Variants in ERN1 observed in about 807,000 individuals in gnomAD.
ERN1 encodes the protein endoplasmic reticulum to nucleus signaling 1.
A neutral mutation model predicts 113.1 loss-of-function variants in ERN1; 39 were observed. The observed-to-expected ratio is 0.34, with a 90% CI of 0.27 to 0.45. The LOEUF is 0.45. Among genes scored for constraint, ERN1 ranks in the 20% least tolerant of loss-of-function variants. ERN1 has a pLI of 1.00. For missense variants in ERN1, 976 were observed against 1,274.8 expected, an observed-to-expected ratio of 0.77 and a Z score of 3.57; for synonymous variants, 507 against 515.9, an observed-to-expected ratio of 0.98 and a Z score of 0.23.
chr17:64,127,647 G>GGGA (rs1430938751), intron 1 of ERN1, among the ~76,000 whole-genome samples: 2 of 151,896 alleles, frequency 1.3e-5, no homozygotes, highest in Non-Finnish European at 2.9e-5. Context: ...CCAGCTACTC[G>GGGA]GGAGGCTGAG....
At chr17:64,081,339 GCCC>G (rs892613410) in intron 2 of ERN1, among the ~76,000 whole-genome samples, 1 of 151,918 alleles carries the variant, frequency 6.6e-6, no homozygotes, top group East Asian at 1.9e-4. Flanking sequence ...ATTCCCTTTG[GCCC>G]CCCCATTGCA....
rs959380520 is a variant in ERN1 at position 64,039,958 on chromosome 17, G to T, written c.*4030C>A. The T allele has an allele frequency of 8.5e-5, 13 of 152,130 alleles. No homozygotes were observed. The highest frequency in any genetic ancestry group is 3.1e-4 in the African/African-American group (13 of 41,422). The allele number at this position is 152,130 out of a possible 1,614,324, so 9.4% of individuals were successfully genotyped here. On this transcript the variant is annotated 3_prime_UTR_variant, in exon 22 of 22. Transcript: ENST00000433197. Reference sequence around the variant, plus strand: ...AAAAATCAGAACCAGAGTTACTCACGGGAAATCACTGTTTCATAAAGAAGG... The same window carrying T: ...AAAAATCAGAACCAGAGTTACTCACTGGAAATCACTGTTTCATAAAGAAGG...
intron 1 of ERN1, among the ~76,000 whole-genome samples, chr17:64,126,061 T>C (rs577259552): frequency 1.3e-4 from 20 of 152,024 alleles, no homozygotes; most frequent in Non-Finnish European, 2.5e-4. Context: ...ACATGGGATA[T>C]AGGTAAAGAT....
intron 1 of ERN1, among the ~76,000 whole-genome samples, chr17:64,125,835 T>C (rs570449118): frequency 6.6e-6 from 1 of 152,320 alleles, no homozygotes; most frequent in South Asian, 2.1e-4. Context: ...ACTAAGGTGC[T>C]ACTAAAGTGA....
chr17:64,056,672 G>A (rs987152385), intron 12 of ERN1, among the ~76,000 whole-genome samples: 6 of 152,200 alleles, frequency 3.9e-5, no homozygotes, highest in African/African-American at 1.4e-4. Flanking sequence ...GGACTTCTGT[G>A]AGCCACCAAC....
At chr17:64,112,421 G>T (rs1914698161) in intron 1 of ERN1, among the ~76,000 whole-genome samples, 1 of 151,970 alleles carries the variant, frequency 6.6e-6, no homozygotes, top group Non-Finnish European at 1.5e-5. Context: ...TGCTGAGGAG[G>T]TTGTCAGTAA....
Position 64,075,251 on chromosome 17 carries a change from T to TAAAAAAAA in ERN1, c.283-12_283-5dup. 7.8e-7 allele frequency: 1 copy of TAAAAAAAA among 1,288,340 alleles called. No individual in the cohort carries two copies. The highest frequency in any genetic ancestry group is 1.0e-6 in the Non-Finnish European group (1 of 980,736). The allele number at this position is 1,288,340 out of a possible 1,614,324, so 79.8% of individuals were successfully genotyped here. On this transcript the variant is annotated splice_polypyrimidine_tract_variant and splice_region_variant and intron_variant, in intron 4 of 21. Coordinates refer to ENST00000433197, the MANE Select transcript of ERN1 (RefSeq NM_001433.5). ...CTGGGATGGTAAAAGGAAGTTTCTT[T>TAAAAAAAA]AAAAAAAAAAAAAAAGAAAAAAAAA...
At chr17:64,110,657 T>A (rs185287215) in intron 1 of ERN1, among the ~76,000 whole-genome samples, 20 of 152,370 alleles carry the variant, frequency 1.3e-4, no homozygotes, top group Admixed American at 1.2e-3. Flanking sequence ...CAGTAAGCTA[T>A]GGCTGCTTCA....
At chr17:64,107,662 T>G (rs1389641598) in intron 1 of ERN1, among the ~76,000 whole-genome samples, 2 of 152,114 alleles carry the variant, frequency 1.3e-5, no homozygotes, top group Non-Finnish European at 2.9e-5. Context: ...CTGACCCTCA[T>G]CTCATTTACA....
Position 64,060,508 on chromosome 17 carries a change from A to G in ERN1, c.1167T>C (p.Asn389=). 1.9e-6 allele frequency: 3 copies of G among 1,613,746 alleles called. No individual in the cohort carries two copies. Among genetic ancestry groups the G allele is most frequent in the Non-Finnish European group, 2.5e-6 (3 of 1,179,782 alleles). ...FPNNLPKHRE[N]VIPADSEKKS... ...TTTTCTCTGAATCAGCAGGAATCAC[A>G]TTTTCCCGATGTTTGGGTAGATTGT... The change falls in exon 11 of 22, where the codon AAT becomes AAC. Residue 389 remains asparagine, a synonymous_variant. Transcript: ENST00000433197.
intron 19 of ERN1, among the ~76,000 whole-genome samples, chr17:64,046,569 AC>A (rs1319883889): frequency 3.9e-5 from 6 of 152,254 alleles, no homozygotes; most frequent in Non-Finnish European, 7.3e-5. Context: ...AACATGGAAG[AC>A]AGCATTAAAC....
intron 4 of ERN1, 43 bp from the exon 5 acceptor site, chr17:64,075,290 T>C: frequency 1.4e-6 from 2 of 1,445,302 alleles, no homozygotes; most frequent in Non-Finnish European, 1.8e-6. Context: ...TAACCAAGTC[T>C]TGTGCAATTA....
Position 64,129,883 on chromosome 17 carries a change from A to T in ERN1, c.54+93T>A, listed in dbSNP as rs1915189934. On this transcript the variant is annotated intron_variant, in intron 1 of 21. Coordinates refer to ENST00000433197, the MANE Select transcript of ERN1 (RefSeq NM_001433.5). ...ATCTGGCCGCCGCCGTCGCGCTCCC[A>T]GCTCGGACTCCAGCCCCGGCGCCGC... 2.5e-6 allele frequency: 3 copies of T among 1,193,946 alleles called. No homozygotes were observed. In the Admixed American group the frequency reaches 1.3e-4, roughly 50 times the overall value. 74.0% of individuals were successfully genotyped at this position (1,193,946 alleles called of 1,614,324 possible). A position where few individuals can be genotyped will look rare whatever the true frequency, so the allele number is the denominator to read the frequency against.
chr17:64,088,019 A>T (rs1163726059), intron 2 of ERN1, among the ~76,000 whole-genome samples: 3 of 152,196 alleles, frequency 2.0e-5, no homozygotes, highest in Non-Finnish European at 4.4e-5. Flanking sequence ...TTCAAACCAG[A>T]CTTCGAGATT....
At chr17:64,057,368 T>C (rs1638545) in intron 12 of ERN1, among the ~76,000 whole-genome samples, 141,360 of 150,832 alleles carry the variant, frequency 0.94, 66,947 homozygotes, top group East Asian at 1. Flanking sequence ...TTTTTTCTTT[T>C]TTTTTGAGAT....
intron 1 of ERN1, among the ~76,000 whole-genome samples, chr17:64,106,449 A>C (rs1914528471): frequency 6.6e-6 from 1 of 152,232 alleles, no homozygotes; most frequent in African/African-American, 2.4e-5. Flanking sequence ...TGGGAAGGGC[A>C]TGCCACACAG....
chr17:64,122,503 C>T (rs1182888704), intron 1 of ERN1, among the ~76,000 whole-genome samples: 2 of 152,160 alleles, frequency 1.3e-5, no homozygotes, highest in Admixed American at 1.3e-4. Context: ...TTCATACATG[C>T]TTCTAGGGCT....
At chr17:64,068,553 A>C (rs1271002446) in intron 6 of ERN1, among the ~76,000 whole-genome samples, 1 of 152,210 alleles carries the variant, frequency 6.6e-6, no homozygotes, top group Non-Finnish European at 1.5e-5. Flanking sequence ...AGTGTAAGCA[A>C]TAGAATGTTG....
chr17:64,052,824 A>G lies in ERN1; in HGVS notation c.2209T>C (p.Trp737Arg). ...TCGCTCAGCATCTCTGGAGCGATCC[A>G]GCCTTCTGTGCCAGGCACCCCAGAT... ...RRSGVPGTEG[W>R]IAPEMLSEDC... The change falls in exon 17 of 22, where the codon TGG (tryptophan) becomes CGG (arginine). Residue 737 changes from tryptophan to arginine, a missense_variant. Physicochemically the swap from Trp to Arg is moderately radical, Grantham distance 101. Coordinates refer to ENST00000433197, the MANE Select transcript of ERN1 (RefSeq NM_001433.5). The G allele has an allele frequency of 1.9e-6, 3 of 1,614,054 alleles. No homozygotes were observed. The highest frequency in any genetic ancestry group is 2.5e-6 in the Non-Finnish European group (3 of 1,179,904).
Sources: allele counts gnomAD v4.1 joint callset (sites outside exome capture counted in the v4.1 genomes callset), GRCh38; gene constraint gnomAD v4.1.1; transcripts MANE v1.5; gene names NCBI Gene and HGNC (gene_info 2026-07-23, HGNC 2026-07-21).